PHEX: variants seen among roughly 807,000 people sequenced by gnomAD.
PHEX encodes the protein phosphate regulating endopeptidase X-linked.
Under a neutral mutation model 68.0 loss-of-function variants are expected in PHEX, and 16 were observed. The observed-to-expected ratio is 0.24, with a 90% CI of 0.16 to 0.36. The LOEUF (loss-of-function observed/expected upper bound fraction) is 0.36. PHEX is among the 10% of genes least tolerant of loss of function. The pLI, the probability that PHEX is intolerant of heterozygous loss-of-function variation, is 1.00. For missense variants in PHEX, 480 were observed against 575.5 expected (o/e 0.83, Z 1.70); for synonymous variants, 208 against 205.1 (o/e 1.01, Z -0.12).
intron 14 of PHEX, 78 bp from the exon 15 acceptor site, chrX:22,190,366 C>T (rs1934159147): frequency 1.5e-6 from 1 of 662,489 alleles, no homozygotes; most frequent in Non-Finnish European, 2.5e-6. Flanking sequence ...ATAAACCCAG[C>T]CATGCTGTGT....
intron 20 of PHEX, among the ~76,000 whole-genome samples, chrX:22,243,528 A>C (rs1424608666): frequency 8.9e-6 from 1 of 111,889 alleles, no homozygotes; most frequent in East Asian, 2.8e-4. Flanking sequence ...TTTGCAATCT[A>C]CCCATCTGAC....
At position 22,047,065 on chromosome X, in the gene PHEX, G is replaced by A; in HGVS notation, c.203G>A (p.Ser68Asn). The A allele has an allele frequency of 8.3e-7, 1 of 1,209,326 alleles. No individual in the cohort carries two copies. Among genetic ancestry groups the A allele is most frequent in the South Asian group, 1.8e-5 (1 of 56,937 alleles). The change falls in exon 3 of 22, where the codon AGT becomes AAT. Residue 68 changes from serine (S) to asparagine (N), a missense_variant. By Grantham distance (46) the Ser-to-Asn change is conservative. Coordinates refer to ENST00000379374, the MANE Select transcript of PHEX (RefSeq NM_000444.6). ...TTCTAAATAGCTGCTGCCATCTTAA[G>A]TAAAGTAAATCTGTCTGTGGATCCT... The part of the protein sequence containing the change: ...ECIEAAAAIL[S>N]KVNLSVDPCD...
chrX:22,077,035 T>C (rs141481603), intron 4 of PHEX, among the ~76,000 whole-genome samples: 1 of 111,922 alleles, frequency 8.9e-6, no homozygotes, highest in Non-Finnish European at 1.9e-5. Flanking sequence ...TGGTCTAGGA[T>C]TTGGGGTATC....
chrX:22,234,778 C>T (rs1244474008), intron 20 of PHEX, among the ~76,000 whole-genome samples: 28 of 104,705 alleles, frequency 2.7e-4, no homozygotes, highest in African/African-American at 9.2e-4. Context: ...CGGGAGTGAA[C>T]GGTTCTGTCT....
intron 15 of PHEX, among the ~76,000 whole-genome samples, chrX:22,194,762 T>G (rs949081091): frequency 1.8e-5 from 2 of 112,503 alleles, no homozygotes; most frequent in African/African-American, 6.5e-5. Context: ...TGTTAGATTT[T>G]TACAGGGTGG....
intron 3 of PHEX, among the ~76,000 whole-genome samples, chrX:22,065,951 T>C (rs1472380301): frequency 9.0e-6 from 1 of 111,727 alleles, no homozygotes; most frequent in South Asian, 3.7e-4. Context: ...ATGTCTCCAG[T>C]TTTAACCCCG....
chrX:22,125,340 G>GT (rs1388382465), intron 11 of PHEX, among the ~76,000 whole-genome samples: 4 of 111,445 alleles, frequency 3.6e-5, no homozygotes, highest in African/African-American at 6.5e-5. Context: ...TAATCTCATG[G>GT]TTTTTTTCCA....
At chrX:22,182,556 A>T (rs1326946548) in intron 14 of PHEX, among the ~76,000 whole-genome samples, 1 of 108,699 alleles carries the variant, frequency 9.2e-6, no homozygotes, top group African/African-American at 3.4e-5. Context: ...AGGTATTGTG[A>T]TTGTTCACCT....
intron 20 of PHEX, among the ~76,000 whole-genome samples, chrX:22,228,444 T>C (rs774916330): frequency 5.1e-4 from 57 of 112,264 alleles, no homozygotes; most frequent in Non-Finnish European, 1.1e-3. Flanking sequence ...ACGAGTCTTC[T>C]ATAATTCACT....
chrX:22,052,188 T>A (rs1476381410), intron 3 of PHEX, among the ~76,000 whole-genome samples: 2 of 112,213 alleles, frequency 1.8e-5, no homozygotes, highest in African/African-American at 6.5e-5. Flanking sequence ...ATTATACATA[T>A]CTTCTAAGGG....
intron 3 of PHEX, among the ~76,000 whole-genome samples, chrX:22,058,138 A>G (rs1198751185): frequency 9.0e-6 from 1 of 111,170 alleles, no homozygotes; most frequent in Non-Finnish European, 1.9e-5. Context: ...GATGCAAGTT[A>G]CAGACAAGAA....
chrX:22,160,169 C>G (rs373558658), intron 12 of PHEX, among the ~76,000 whole-genome samples: 1 of 111,739 alleles, frequency 8.9e-6, no homozygotes, highest in South Asian at 3.7e-4. Flanking sequence ...ACTCACAGTT[C>G]CACATGGCTG....
At chrX:22,076,556 G>T (rs1020380458) in intron 4 of PHEX, 82 bp downstream of exon 4, 1 of 641,413 alleles carries the variant, frequency 1.6e-6, no homozygotes, top group African/African-American at 2.2e-5. Flanking sequence ...TATTGTTTGA[G>T]GAAGAAGAGA....
chrX:22,052,017 G>A (rs1488760169), intron 3 of PHEX, among the ~76,000 whole-genome samples: 1 of 110,754 alleles, frequency 9.0e-6, no homozygotes, highest in Non-Finnish European at 1.9e-5. Flanking sequence ...ATCTATTTAT[G>A]TGTCTGTCAG....
intron 11 of PHEX, among the ~76,000 whole-genome samples, chrX:22,132,023 A>C (rs1413421885): frequency 8.9e-6 from 1 of 112,078 alleles, no homozygotes; most frequent in African/African-American, 3.2e-5. Context: ...GTGTGGCCTC[A>C]CTGTTCAAAT....
chrX:22,058,530 TTCTG>T (rs1342134903), intron 3 of PHEX, among the ~76,000 whole-genome samples: 1 of 112,148 alleles, frequency 8.9e-6, no homozygotes, highest in African/African-American at 3.2e-5. Context: ...AGGAAGCTGG[TTCTG>T]AAAGAGGCAA....
At chrX:22,053,775 C>T (rs1226598593) in intron 3 of PHEX, among the ~76,000 whole-genome samples, 3 of 111,949 alleles carry the variant, frequency 2.7e-5, no homozygotes, top group Non-Finnish European at 3.8e-5. Flanking sequence ...TGAAGAAATG[C>T]AATATATTAT....
At chrX:22,085,189 T>C (rs1929571737) in intron 5 of PHEX, among the ~76,000 whole-genome samples, 1 of 112,219 alleles carries the variant, frequency 8.9e-6, no homozygotes, top group Non-Finnish European at 1.9e-5. Context: ...TAATATGTTG[T>C]AATTTCATTT....
In PHEX at chrX:22,077,467, C is replaced by G. The variant is rs997951924; in HGVS notation, c.437-9C>G. On this transcript the variant is annotated splice_polypyrimidine_tract_variant and intron_variant, in intron 4 of 21. Coordinates refer to ENST00000379374, the MANE Select transcript of PHEX (RefSeq NM_000444.6). ...TTCTAACTTTCTCTTCATATCTGCT[C>G]CCTTTCAGAAGCGATTGAAAAAGCA... 2.5e-6 allele frequency: 3 copies of G among 1,195,749 alleles called. No individual in the cohort carries two copies. The highest frequency in any genetic ancestry group is 1.7e-5 in the African/African-American group (1 of 57,537).
Sources: allele counts gnomAD v4.1 joint callset (sites outside exome capture counted in the v4.1 genomes callset), GRCh38; gene constraint gnomAD v4.1.1; transcripts MANE v1.5; gene names NCBI Gene and HGNC (gene_info 2026-07-23, HGNC 2026-07-21).